The following MARCHF3 variants were observed in gnomAD, a reference collection of about 807,000 sequenced individuals.
MARCHF3 encodes E3 ubiquitin-protein ligase MARCHF3.
A neutral mutation model predicts 24.2 loss-of-function variants in MARCHF3; 13 were observed. The ratio of observed to expected loss-of-function variants is 0.54; its 90% confidence interval spans 0.35 to 0.85. The LOEUF (loss-of-function observed/expected upper bound fraction) is 0.85. MARCHF3 is among the 40% of genes least tolerant of loss of function. The pLI is 0.01. For synonymous variants in MARCHF3, 144 were observed against 137.3 expected (o/e 1.05, Z -0.34); for missense variants, 276 against 325.0 (o/e 0.85, Z 1.16).
At chr5:126,915,562 A>G (rs559517932) in intron 2 of MARCHF3, among the ~76,000 whole-genome samples, 1 of 152,314 alleles carries the variant, frequency 6.6e-6, no homozygotes, top group East Asian at 1.9e-4. Context: ...GGTTCTTCTC[A>G]TTTCTCTTTT....
At position 126,870,594 on chromosome 5, in the gene MARCHF3, CCAAA is replaced by C; in HGVS notation, c.*35_*38del. ...ACCCCAGTGCAGACACTTCCAAACC[CCAAA>C]CAATGAATCAAACAACCAACCAACC... On this transcript the variant is annotated 3_prime_UTR_variant, in exon 5 of 5. Coordinates refer to ENST00000308660, the MANE Select transcript of MARCHF3 (RefSeq NM_178450.5). The C allele has an allele frequency of 5.6e-6, 9 of 1,604,042 alleles. No individual in the cohort carries two copies. Among genetic ancestry groups the C allele is most frequent in the Non-Finnish European group, 7.7e-6 (9 of 1,173,734 alleles).
intron 1 of MARCHF3, among the ~76,000 whole-genome samples, chr5:127,014,189 C>A (rs1340126124): frequency 2.0e-5 from 3 of 152,094 alleles, no homozygotes; most frequent in Non-Finnish European, 2.9e-5. Context: ...AGAACTCAAA[C>A]AACTCAATAG....
intron 3 of MARCHF3, among the ~76,000 whole-genome samples, chr5:126,889,976 C>T (rs1580604661): frequency 1.3e-5 from 2 of 152,168 alleles, no homozygotes; most frequent in African/African-American, 4.8e-5. Context: ...GTAGCATCCT[C>T]ACATCTAGAT....
intron 2 of MARCHF3, among the ~76,000 whole-genome samples, chr5:126,915,796 AACCACTCCT>A (rs1373733995): frequency 6.6e-6 from 1 of 152,084 alleles, no homozygotes; most frequent in African/African-American, 2.4e-5. Context: ...AATTTGGAAA[AACCACTCCT>A]ACACATTTCA....
intron 1 of MARCHF3, among the ~76,000 whole-genome samples, chr5:127,006,028 C>G (rs535330250): frequency 9.9e-5 from 15 of 151,912 alleles, no homozygotes; most frequent in Middle Eastern, 3.4e-3. Flanking sequence ...ATGGTGAAAC[C>G]CCATCTCTAC....
chr5:127,009,688 A>C (rs1282455063), intron 1 of MARCHF3, among the ~76,000 whole-genome samples: 2 of 152,108 alleles, frequency 1.3e-5, no homozygotes, highest in African/African-American at 2.4e-5. Context: ...TACCAACCCC[A>C]ACCAGCCAAC....
At chr5:126,988,119 G>A (rs376033191) in intron 1 of MARCHF3, among the ~76,000 whole-genome samples, 7 of 151,804 alleles carry the variant, frequency 4.6e-5, no homozygotes, top group South Asian at 2.1e-4. Flanking sequence ...AGCACACCCC[G>A]CCCCCGTCAA....
intron 1 of MARCHF3, among the ~76,000 whole-genome samples, chr5:126,997,771 AT>A (rs1265559133): frequency 4.6e-5 from 7 of 152,330 alleles, no homozygotes; most frequent in Admixed American, 2.0e-4. Context: ...TAGATAAATA[AT>A]AATTCTCATT....
At chr5:126,928,675 A>T (rs901798576) in intron 1 of MARCHF3, among the ~76,000 whole-genome samples, 8 of 152,096 alleles carry the variant, frequency 5.3e-5, no homozygotes, top group African/African-American at 1.7e-4. Flanking sequence ...CCAATCTAAA[A>T]TTTTTTATGC....
chr5:126,986,534 C>T (rs1475767956), intron 1 of MARCHF3, among the ~76,000 whole-genome samples: 1 of 152,164 alleles, frequency 6.6e-6, no homozygotes, highest in Admixed American at 6.5e-5. Context: ...GATGAACTTA[C>T]TTCCAAATAA....
At chr5:126,881,360 T>C (rs1184973659) in intron 3 of MARCHF3, among the ~76,000 whole-genome samples, 2 of 152,202 alleles carry the variant, frequency 1.3e-5, no homozygotes, top group African/African-American at 2.4e-5. Flanking sequence ...GCAAGATCAG[T>C]AGCAATCATC....
At position 126,870,693 on chromosome 5, in the gene MARCHF3, G is replaced by A. The variant is rs757847460; in HGVS notation, c.702C>T (p.Asn234=). 2.5e-6 allele frequency: 4 copies of A among 1,614,180 alleles called. No individual in the cohort carries two copies. Among genetic ancestry groups the A allele is most frequent in the Admixed American group, 1.7e-5 (1 of 60,024 alleles). The stretch of plus-strand genomic sequence containing the variant: ...AATGGAGGCCCAGCAAGGACGGCTG[G>A]TTAGAAGGTACATTGACAGACTTTG... The part of the protein sequence containing the change: ...LIPKSVNVPS[N]QPSLLGLHSV... Residue 234 remains asparagine (N), a synonymous_variant, in exon 5 of 5, where the codon AAC becomes AAT. Transcript: ENST00000308660.
intron 3 of MARCHF3, among the ~76,000 whole-genome samples, chr5:126,908,724 A>G (rs1217127040): frequency 1.3e-5 from 2 of 149,628 alleles, no homozygotes; most frequent in African/African-American, 2.5e-5. Context: ...ACATTCTTCT[A>G]AAGTTTTTTC....
intron 3 of MARCHF3, among the ~76,000 whole-genome samples, chr5:126,912,851 T>C (rs1754587489): frequency 6.6e-6 from 1 of 152,250 alleles, no homozygotes; most frequent in South Asian, 2.1e-4. Context: ...CACTTTCAAC[T>C]TGTTCAATCA....
rs1752915607 is a variant in MARCHF3 at position 126,870,136 on chromosome 5, C to T, written c.*497G>A. The T allele has an allele frequency of 6.6e-6, 1 of 152,582 alleles. No homozygotes were observed. Among genetic ancestry groups the T allele is most frequent in the Admixed American group, 6.5e-5 (1 of 15,274 alleles). 9.5% of individuals were successfully genotyped at this position (152,582 alleles called of 1,614,324 possible). A position where few individuals can be genotyped will look rare whatever the true frequency, so the allele number is the denominator to read the frequency against. The stretch of plus-strand genomic sequence containing the variant: ...CGCGAAAGAGATGAAAAAGACCACT[C>T]AGGCTACCAAAGTACCCCAAAGAAT... On this transcript the variant is annotated 3_prime_UTR_variant, in exon 5 of 5. Coordinates refer to ENST00000308660, the MANE Select transcript of MARCHF3 (RefSeq NM_178450.5).
chr5:126,874,121 G>T (rs903517240), intron 4 of MARCHF3, among the ~76,000 whole-genome samples: 1 of 152,218 alleles, frequency 6.6e-6, no homozygotes, highest in African/African-American at 2.4e-5. Flanking sequence ...CTCCTTATGG[G>T]ATGCGCTTCC....
intron 1 of MARCHF3, among the ~76,000 whole-genome samples, chr5:127,007,326 T>C (rs1752339215): frequency 6.6e-6 from 1 of 151,866 alleles, no homozygotes; most frequent in Non-Finnish European, 1.5e-5. Context: ...TACATGGATT[T>C]TTTTTAACTT....
chr5:126,911,918 C>G (rs1297030197), intron 3 of MARCHF3, among the ~76,000 whole-genome samples: 2 of 152,150 alleles, frequency 1.3e-5, no homozygotes, highest in Non-Finnish European at 1.5e-5. Flanking sequence ...TAACTTTTAG[C>G]TTTATAGAGA....
chr5:126,920,505 C>T (rs900499997), intron 1 of MARCHF3, among the ~76,000 whole-genome samples: 8 of 152,240 alleles, frequency 5.3e-5, no homozygotes, highest in East Asian at 1.9e-4. Context: ...ACCTTCTTGC[C>T]GCATGGAATC....
Sources: allele counts gnomAD v4.1 joint callset (sites outside exome capture counted in the v4.1 genomes callset), GRCh38; gene constraint gnomAD v4.1.1; transcripts MANE v1.5; gene names NCBI Gene and HGNC (gene_info 2026-07-23, HGNC 2026-07-21).